GALNTL6: variants seen among roughly 807,000 people sequenced by gnomAD.
GALNTL6 encodes polypeptide N-acetylgalactosaminyltransferase-like 6.
Under a neutral mutation model 73.7 loss-of-function variants are expected in GALNTL6, and 46 were observed. The ratio of observed to expected loss-of-function variants is 0.62; its 90% CI spans 0.49 to 0.80. GALNTL6 has a LOEUF of 0.80. Ranked by LOEUF, GALNTL6 falls within the 30% of genes least tolerant of loss-of-function variation. The probability of loss-of-function intolerance (pLI) is 0.00; values close to 1 mark genes in which losing one functional copy is unlikely to be tolerated. For synonymous variants in GALNTL6, 259 were observed against 263.7 expected, an observed-to-expected ratio of 0.98 and a Z score of 0.17; for missense variants, 604 against 755.0, an observed-to-expected ratio of 0.80 and a Z score of 2.34.
At chr4:172,467,221 A>C (rs761049236) in intron 5 of GALNTL6, among the ~76,000 whole-genome samples, 1 of 152,254 alleles carries the variant, frequency 6.6e-6, no homozygotes, top group Non-Finnish European at 1.5e-5. Flanking sequence ...GAATGAATCT[A>C]TTCCTACATA....
intron 5 of GALNTL6, among the ~76,000 whole-genome samples, chr4:172,729,341 T>A (rs1376019078): frequency 6.6e-6 from 1 of 152,198 alleles, no homozygotes; most frequent in Non-Finnish European, 1.5e-5. Flanking sequence ...AAAGTTTTCT[T>A]CTAGTAGTTT....
intron 2 of GALNTL6, among the ~76,000 whole-genome samples, chr4:172,148,540 T>C (rs925030356): frequency 6.6e-6 from 1 of 152,226 alleles, no homozygotes; most frequent in East Asian, 1.9e-4. Flanking sequence ...CAGCAAAATC[T>C]TGGATCCTAA....
At chr4:172,547,871 G>A (rs1244448092) in intron 5 of GALNTL6, among the ~76,000 whole-genome samples, 1 of 152,166 alleles carries the variant, frequency 6.6e-6, no homozygotes, top group Non-Finnish European at 1.5e-5. Context: ...AAGCTAATCT[G>A]TCATTCTCAA....
At chr4:172,194,801 G>C (rs534955035) in intron 2 of GALNTL6, among the ~76,000 whole-genome samples, 21 of 152,188 alleles carry the variant, frequency 1.4e-4, no homozygotes, top group African/African-American at 4.8e-4. Context: ...AGGAAGCACT[G>C]AATATGGAAA....
chr4:172,145,726 G>T (rs554301500), intron 2 of GALNTL6, among the ~76,000 whole-genome samples: 2 of 152,282 alleles, frequency 1.3e-5, no homozygotes, highest in Admixed American at 1.3e-4. Context: ...CGTGGCTACA[G>T]GTAATCATAC....
At chr4:171,985,560 T>C (rs1195360092) in intron 2 of GALNTL6, among the ~76,000 whole-genome samples, 1 of 152,174 alleles carries the variant, frequency 6.6e-6, no homozygotes, top group African/African-American at 2.4e-5. Flanking sequence ...ATCACCTGTA[T>C]CTCACTACCA....
intron 5 of GALNTL6, among the ~76,000 whole-genome samples, chr4:172,569,800 G>A (rs2110946108): frequency 6.6e-6 from 1 of 152,282 alleles, no homozygotes; most frequent in South Asian, 2.1e-4. Flanking sequence ...TAGGATTGGA[G>A]ACCTAAACGT....
At chr4:171,824,158 G>T (rs991849688) in intron 2 of GALNTL6, among the ~76,000 whole-genome samples, 1 of 146,778 alleles carries the variant, frequency 6.8e-6, no homozygotes, top group East Asian at 2.0e-4. Flanking sequence ...ATTTTAAAAA[G>T]TTGTCAAGGT....
At chr4:172,087,782 A>C (rs1732092640) in intron 2 of GALNTL6, among the ~76,000 whole-genome samples, 1 of 151,934 alleles carries the variant, frequency 6.6e-6, no homozygotes, top group South Asian at 2.1e-4. Flanking sequence ...AAACAGTGGA[A>C]ATTTAGGGGC....
At chr4:172,307,413 G>T (rs1254753742) in intron 3 of GALNTL6, among the ~76,000 whole-genome samples, 2 of 152,062 alleles carry the variant, frequency 1.3e-5, no homozygotes, top group Non-Finnish European at 2.9e-5. Flanking sequence ...GGGGTTCTTG[G>T]TCATGAAGTC....
chr4:172,235,794 C>G (rs561259936), intron 3 of GALNTL6, among the ~76,000 whole-genome samples: 1 of 152,232 alleles, frequency 6.6e-6, no homozygotes, highest in African/African-American at 2.4e-5. Context: ...GCCCACTTCA[C>G]TCCCCCTGCC....
chr4:172,184,893 C>A (rs1271888307), intron 2 of GALNTL6, among the ~76,000 whole-genome samples: 1 of 152,154 alleles, frequency 6.6e-6, no homozygotes, highest in Non-Finnish European at 1.5e-5. Flanking sequence ...GAAGCGAGTC[C>A]TGCGATAATG....
rs71607897 is a variant in GALNTL6, at chr4:172,831,089, C to T, written c.923+17366C>T. 3.3e-4 allele frequency among the ~76,000 whole-genome samples: 42 copies of T among 128,100 alleles called. No homozygotes were observed. In the East Asian group the frequency reaches 4.1e-3, roughly 12 times the overall value. 84.0% of individuals were successfully genotyped at this position (128,100 alleles called of 152,430 possible). On this transcript the variant is annotated intron_variant, in intron 7 of 12. Coordinates refer to ENST00000506823, the MANE Select transcript of GALNTL6 (RefSeq NM_001034845.3). ...CAAGAGAAAGCTTGAACCCAGGAGGCGGAGGTTGCAGTGAGCGGAGATCGC... is the reference window on the plus strand; with the variant it reads ...CAAGAGAAAGCTTGAACCCAGGAGGTGGAGGTTGCAGTGAGCGGAGATCGC...
At chr4:171,982,287 TTTTG>T (rs968871266) in intron 2 of GALNTL6, among the ~76,000 whole-genome samples, 15 of 111,510 alleles carry the variant, frequency 1.3e-4, no homozygotes, top group African/African-American at 2.8e-4. Context: ...GACGAAAGTA[TTTTG>T]TTTGTTTGTT....
chr4:172,362,938 C>T lies in GALNTL6; in HGVS notation c.553+14249C>T, dbSNP rs145453197. Among the ~76,000 whole-genome samples, 3 of 152,228 alleles carry T rather than the reference C, an allele frequency of 2.0e-5. No individual in the cohort carries two copies. The East Asian group carries it at 5.8e-4, about 29-fold the overall frequency. On this transcript the variant is annotated intron_variant, in intron 5 of 12. Coordinates refer to ENST00000506823, the MANE Select transcript of GALNTL6 (RefSeq NM_001034845.3). Reference sequence around the variant, plus strand: ...AGGCTTTAATTCACTTGCTTAAATTCCTGAAAGGTCCTTGTGGCTTGTTGT... The same window carrying T: ...AGGCTTTAATTCACTTGCTTAAATTTCTGAAAGGTCCTTGTGGCTTGTTGT...
At chr4:172,404,513 C>T (rs1744143472) in intron 5 of GALNTL6, among the ~76,000 whole-genome samples, 1 of 152,024 alleles carries the variant, frequency 6.6e-6, no homozygotes, top group South Asian at 2.1e-4. Flanking sequence ...TATGTTTTAG[C>T]TTCTGATTTC....
At chr4:172,055,799 C>T (rs1417050651) in intron 2 of GALNTL6, among the ~76,000 whole-genome samples, 1 of 152,094 alleles carries the variant, frequency 6.6e-6, no homozygotes, top group African/African-American at 2.4e-5. Context: ...TATCAGGGTA[C>T]TTCTTAGCCA....
intron 2 of GALNTL6, among the ~76,000 whole-genome samples, chr4:171,946,247 T>C (rs1208768007): frequency 6.6e-6 from 1 of 151,952 alleles, no homozygotes; most frequent in East Asian, 1.9e-4. Flanking sequence ...AATGTCAGAG[T>C]CACAGGAGAT....
chr4:171,977,760 A>G (rs1360322730), intron 2 of GALNTL6, among the ~76,000 whole-genome samples: 7 of 152,202 alleles, frequency 4.6e-5, no homozygotes, highest in Non-Finnish European at 2.9e-5. Flanking sequence ...ATATTGTTAT[A>G]TTCTCTGATA....
Sources: gnomAD v4.1 joint callset for allele counts (sites outside exome capture counted in the v4.1 genomes callset) on GRCh38, gnomAD v4.1.1 for gene constraint, MANE v1.5 for transcripts, NCBI Gene and HGNC (gene_info 2026-07-23, HGNC 2026-07-21) for gene names.